Variants in DOCK6 observed in about 807,000 individuals in gnomAD.
DOCK6 encodes the protein dedicator of cytokinesis 6, also known as dedicator of cytokinesis protein 6.
A neutral mutation model predicts 230.3 loss-of-function variants in DOCK6; 167 were observed. The observed-to-expected ratio is 0.73, with a 90% confidence interval of 0.64 to 0.82. DOCK6 has a LOEUF of 0.82. Among genes scored for constraint, DOCK6 ranks in the 40% least tolerant of loss-of-function variants. The pLI is 0.00. For missense variants in DOCK6, 2,598 were observed against 2,825.8 expected (o/e 0.92, Z 1.83); for synonymous variants, 1,148 against 1,185.0 (o/e 0.97, Z 0.64).
chr19:11,261,845 C>CCCCG (rs2080295264), intron 1 of DOCK6, among the ~76,000 whole-genome samples: 1 of 151,820 alleles, frequency 6.6e-6, no homozygotes, highest in African/African-American at 2.4e-5. Context: ...TCCCCCTTCC[C>CCCCG]CCCCCCCGAC....
intron 39 of DOCK6, among the ~76,000 whole-genome samples, chr19:11,207,951 A>T (rs1294928310): frequency 6.6e-6 from 1 of 151,048 alleles, no homozygotes; most frequent in African/African-American, 2.4e-5. Flanking sequence ...ACAAAGAAAA[A>T]ATATATATAA....
At chr19:11,240,754 G>C (rs916869959) in intron 14 of DOCK6, among the ~76,000 whole-genome samples, 12 of 151,762 alleles carry the variant, frequency 7.9e-5, no homozygotes, top group Admixed American at 3.9e-4. Context: ...TTTTTTAGTA[G>C]AGATGGGATT....
chr19:11,206,848 G>GT (rs2079270428), intron 39 of DOCK6, among the ~76,000 whole-genome samples: 11 of 148,428 alleles, frequency 7.4e-5, no homozygotes, highest in Admixed American at 2.0e-4. Context: ...TTTTTTTTTT[G>GT]TTTTTTGTTT....
At position 11,243,278 on chromosome 19, in the gene DOCK6, CAGTT is replaced by C. The variant is rs730882238; in HGVS notation, c.1362_1365del (p.Thr455SerfsTer24). 4.8e-5 allele frequency: 78 copies of C among 1,609,650 alleles called. No individual in the cohort carries two copies. Among genetic ancestry groups the C allele is most frequent in the African/African-American group, 2.1e-4 (16 of 74,862 alleles). The stretch of plus-strand genomic sequence containing the variant: ...GACACCTGCTTAAAGAAGTTTGTGA[CAGTT>C]AGCGTGGCTGGACGGAAGCCAGAGA... On this transcript the variant is annotated frameshift_variant, in exon 12 of 48. Coordinates refer to ENST00000294618, the MANE Select transcript of DOCK6 (RefSeq NM_020812.4). LOFTEE classifies it high-confidence loss of function. The surrounding 1 kb of genome is among the most constrained non-coding windows in gnomAD (Gnocchi z 6.3).
At position 11,237,542 on chromosome 19, in the gene DOCK6, G is replaced by A. The variant is rs936266747; in HGVS notation, c.1987C>T (p.Gln663Ter). ...PVGFTWIPLL[Q>*]HGRLRTGPFC... ...GGGCCGGTCCTCAGGCGCCCGTGCT[G>A]CAGCAGTGGGATCCACTGGGGAGAG... The change falls in exon 18 of 48, where the codon CAG becomes TAG. Residue 663 changes from glutamine to a stop codon, truncating the protein, a stop_gained. Transcript: ENST00000294618. LOFTEE classifies it high-confidence loss of function. 77 of 1,608,768 alleles carry A rather than the reference G, an allele frequency of 4.8e-5. No individual in the cohort carries two copies. Among genetic ancestry groups the A allele is most frequent in the Non-Finnish European group, 6.5e-5 (76 of 1,177,798 alleles).
In DOCK6 at chr19:11,222,063, C is replaced by T. The variant is rs1162840310; in HGVS notation, c.3381-43G>A. The T allele has an allele frequency of 1.2e-6, 2 of 1,606,990 alleles. No homozygotes were observed. Among genetic ancestry groups the T allele is most frequent in the South Asian group, 2.2e-5 (2 of 90,754 alleles). ...GCTCAGGACAGGGTGGACATGGCTC[C>T]TGGACTGTCCCACCTGTCCTGGGGC... On this transcript the variant is annotated intron_variant, in intron 27 of 47. Coordinates refer to ENST00000294618, the MANE Select transcript of DOCK6 (RefSeq NM_020812.4). This position sits in a 1 kb window ranked among gnomAD's most constrained non-coding sequence, Gnocchi z 4.0.
At chr19:11,223,153 C>CTGTCGGGGCT in intron 24 of DOCK6, 47 bp from the exon 25 acceptor site, 1 of 1,571,712 alleles carries the variant, frequency 6.4e-7, no homozygotes, top group Non-Finnish European at 8.7e-7. Context: ...ACCTCAGCCC[C>CTGTCGGGGCT]GACAGGGGCT....
chr19:11,212,451 A>C (rs1204203081), intron 35 of DOCK6, among the ~76,000 whole-genome samples: 1 of 151,884 alleles, frequency 6.6e-6, no homozygotes, highest in Admixed American at 6.6e-5. Context: ...TGTGTTGGCT[A>C]TGCTGGTCTC....
In DOCK6 at chr19:11,237,606, AGGGCTCAGGGGGAGGGAGGG is replaced by A. The variant is rs2079869868; in HGVS notation, c.1971+15_1971+34del. The A allele has an allele frequency of 2.5e-6, 1 of 406,672 alleles. No homozygotes were observed. Among genetic ancestry groups the A allele is most frequent in the Non-Finnish European group, 3.6e-6 (1 of 279,032 alleles). The allele number at this position is 406,672 out of a possible 1,614,324, so 25.2% of individuals were successfully genotyped here. A position where few individuals can be genotyped will look rare whatever the true frequency, so the allele number is the denominator to read the frequency against. ...TCTGCGGCCAGGTTGGGGGACGAGG[AGGGCTCAGGGGGAGGGAGGG>A]AGGGGACGGCTCACAGTAAAGCCCA... On this transcript the variant is annotated intron_variant, in intron 17 of 47. Transcript: ENST00000294618.
At chr19:11,248,196 A>G (rs1385900166) in intron 6 of DOCK6, 45 bp from the exon 7 acceptor site, 10 of 1,463,952 alleles carry the variant, frequency 6.8e-6, no homozygotes, top group Non-Finnish European at 9.4e-6. Flanking sequence ...GAGCTGGGAC[A>G]TCCTCCAGGA....
chr19:11,228,562 T>C (rs905545358), intron 23 of DOCK6, among the ~76,000 whole-genome samples: 7 of 144,354 alleles, frequency 4.8e-5, no homozygotes, highest in South Asian at 2.2e-4. Flanking sequence ...GCTTCTCTCT[T>C]TTTTTTTTTT....
chr19:11,256,954 C>G (rs919818295), intron 1 of DOCK6, among the ~76,000 whole-genome samples: 2 of 152,034 alleles, frequency 1.3e-5, no homozygotes, highest in Non-Finnish European at 2.9e-5. Context: ...CCTGGGATTA[C>G]AGGCGTGAGC....
Position 11,233,146 on chromosome 19 carries a change from C to G in DOCK6, c.2718+57G>C, listed in dbSNP as rs996496324. The G allele has an allele frequency of 2.5e-6, 4 of 1,584,430 alleles. No homozygotes were observed. In the Admixed American group the frequency reaches 7.0e-5, roughly 28 times the overall value. On this transcript the variant is annotated intron_variant, in intron 22 of 47. Coordinates refer to ENST00000294618, the MANE Select transcript of DOCK6 (RefSeq NM_020812.4). ...GCTTCATCAACAGATTCTTCGCCCACACACGTGGCAACCACAACCACTGAG... is the reference window on the plus strand; with the variant it reads ...GCTTCATCAACAGATTCTTCGCCCAGACACGTGGCAACCACAACCACTGAG...
Position 11,236,290 on chromosome 19 carries a change from A to G in DOCK6, c.2392+56T>C. On this transcript the variant is annotated intron_variant, in intron 20 of 47. Transcript: ENST00000294618. The surrounding 1 kb of genome is among the most constrained non-coding windows in gnomAD (Gnocchi z 5.2). Reference sequence around the variant, plus strand: ...CTTATAGAAGATCCCTCAGGACCTCAGGACTGAGAAGCCATGTGGATGGGG... The same window carrying G: ...CTTATAGAAGATCCCTCAGGACCTCGGGACTGAGAAGCCATGTGGATGGGG... 6.8e-7 allele frequency: 1 copy of G among 1,468,760 alleles called. No homozygotes were observed. Among genetic ancestry groups the G allele is most frequent in the Non-Finnish European group, 9.2e-7 (1 of 1,084,302 alleles). The allele number at this position is 1,468,760 out of a possible 1,614,324, so 91.0% of individuals were successfully genotyped here.
rs1174093549 is a variant in DOCK6 at position 11,200,227 on chromosome 19, A to G, written c.6101+81T>C. ...AAACATGTTGCTGTGTATGTGTACAACAGCCCCCATCCTGTACCTGTCCTG... is the reference window on the plus strand; with the variant it reads ...AAACATGTTGCTGTGTATGTGTACAGCAGCCCCCATCCTGTACCTGTCCTG... On this transcript the variant is annotated intron_variant, in intron 47 of 47. Transcript: ENST00000294618. This position sits in a 1 kb window ranked among gnomAD's most constrained non-coding sequence, Gnocchi z 4.3. 4 of 1,426,854 alleles carry G rather than the reference A, an allele frequency of 2.8e-6. No homozygotes were observed. The African/African-American group carries it at 4.3e-5, about 15-fold the overall frequency. The allele number at this position is 1,426,854 out of a possible 1,614,324, so 88.4% of individuals were successfully genotyped here. A position where few individuals can be genotyped will look rare whatever the true frequency, so the allele number is the denominator to read the frequency against.
intron 22 of DOCK6, among the ~76,000 whole-genome samples, chr19:11,230,865 C>T (rs996934437): frequency 6.6e-5 from 10 of 152,044 alleles, no homozygotes; most frequent in South Asian, 2.1e-4. Context: ...CTTCCTCCTT[C>T]GCTGGTTAGG....
intron 18 of DOCK6, 29 bp downstream of exon 18, chr19:11,237,427 T>C (rs1332100439): frequency 1.9e-6 from 3 of 1,612,348 alleles, no homozygotes; most frequent in Non-Finnish European, 2.5e-6. Flanking sequence ...GGACAGTGCA[T>C]TGGCAGGCAG....
chr19:11,262,479 CCCGCCG>C lies in DOCK6; in HGVS notation c.-45_-40del. 1.8e-6 allele frequency: 2 copies of C among 1,098,650 alleles called. No homozygotes were observed. Among genetic ancestry groups the C allele is most frequent in the Non-Finnish European group, 2.2e-6 (2 of 903,750 alleles). 68.1% of individuals were successfully genotyped at this position (1,098,650 alleles called of 1,614,324 possible). ...CGCCGCCGCCGCCCCGGGCCCCGGC[CCCGCCG>C]CCGCCGCCGCCTCCCGGTTCTGGGC... is the stretch of plus-strand genomic sequence containing the variant. On this transcript the variant is annotated 5_prime_UTR_variant, in exon 1 of 48. Transcript: ENST00000294618.
At position 11,222,418 on chromosome 19, in the gene DOCK6, A is replaced by G. The variant is rs1237453581; in HGVS notation, c.3241-170T>C. 1.0e-6 allele frequency: 1 copy of G among 954,388 alleles called. No homozygotes were observed. Among genetic ancestry groups the G allele is most frequent in the African/African-American group, 1.6e-5 (1 of 60,688 alleles). The allele number at this position is 954,388 out of a possible 1,614,324, so 59.1% of individuals were successfully genotyped here. On this transcript the variant is annotated intron_variant, in intron 26 of 47. Transcript: ENST00000294618. The surrounding 1 kb of genome is among the most constrained non-coding windows in gnomAD (Gnocchi z 4.0). ...AGTGGGCATGGGTTTCAAGGCCAGAAGTGAGGGGCTGACGTTAACCCATCT... is the reference window on the plus strand; with the variant it reads ...AGTGGGCATGGGTTTCAAGGCCAGAGGTGAGGGGCTGACGTTAACCCATCT...
Sources: allele counts gnomAD v4.1 joint callset (sites outside exome capture counted in the v4.1 genomes callset), GRCh38; gene constraint gnomAD v4.1.1; non-coding constraint Gnocchi (gnomAD v3.1); transcripts MANE v1.5; gene names NCBI Gene and HGNC (gene_info 2026-07-23, HGNC 2026-07-21).